Variants in BCL2L14 observed in about 807,000 individuals in gnomAD.
The protein encoded by BCL2L14 is BCL2 like 14, also known as apoptosis facilitator Bcl-2-like protein 14.
BCL2L14 carries 27 observed loss-of-function variants against 35.3 expected under a neutral mutation model. The ratio of observed to expected loss-of-function variants is 0.76; its 90% CI spans 0.56 to 1.05. The LOEUF (loss-of-function observed/expected upper bound fraction) is 1.05. Ranked by LOEUF, BCL2L14 falls within the 50% of genes least tolerant of loss-of-function variation. BCL2L14 has a pLI of 0.00. For missense variants in BCL2L14, 377 were observed against 382.6 expected (o/e 0.99, Z 0.12); for synonymous variants, 139 against 145.9 (o/e 0.95, Z 0.34).
At chr12:12,080,004 A>G (rs897105348) in intron 2 of BCL2L14, among the ~76,000 whole-genome samples, 5 of 152,064 alleles carry the variant, frequency 3.3e-5, no homozygotes, top group African/African-American at 1.2e-4. Context: ...GGAGATTGAG[A>G]CCATCCTGGC....
At chr12:12,098,745 C>G (rs982833939) in intron 5 of BCL2L14, among the ~76,000 whole-genome samples, 2 of 152,144 alleles carry the variant, frequency 1.3e-5, no homozygotes, top group African/African-American at 4.8e-5. Context: ...CCTGTTAGCT[C>G]TGGGTGTGTA....
intron 2 of BCL2L14, among the ~76,000 whole-genome samples, chr12:12,065,918 G>A (rs569700257): frequency 2.1e-4 from 32 of 152,120 alleles, no homozygotes; most frequent in African/African-American, 7.7e-4. Context: ...AGCCTCCTGA[G>A]TAGCTGAGAT....
intron 2 of BCL2L14, among the ~76,000 whole-genome samples, chr12:12,084,394 T>G (rs1948994294): frequency 6.6e-6 from 1 of 152,024 alleles, no homozygotes; most frequent in Admixed American, 6.6e-5. Flanking sequence ...ATTTTAGAGG[T>G]CTGTTACTAA....
chr12:12,090,646 TAAAAAAA>T, intron 3 of BCL2L14, 126 bp from the exon 4 acceptor site: 3 of 321,046 alleles, frequency 9.3e-6, no homozygotes, highest in Non-Finnish European at 1.6e-5. Context: ...AAATAAAAAA[TAAAAAAA>T]AAAAAAAGAA....
At chr12:12,079,915 G>A (rs1007128482) in intron 2 of BCL2L14, among the ~76,000 whole-genome samples, 177 bp downstream of exon 2, 1 of 152,136 alleles carries the variant, frequency 6.6e-6, no homozygotes, top group African/African-American at 2.4e-5. Flanking sequence ...AGACTAAAAG[G>A]AGTTGCTGCC....
intron 5 of BCL2L14, 30 bp from the exon 6 acceptor site, chr12:12,098,920 G>C: frequency 6.6e-7 from 1 of 1,509,594 alleles, no homozygotes; most frequent in Non-Finnish European, 9.2e-7. Flanking sequence ...ATCTAACTTG[G>C]AATTTTAAGA....
chr12:12,052,012 G>A (rs1948363730), intron 2 of BCL2L14, among the ~76,000 whole-genome samples: 1 of 152,198 alleles, frequency 6.6e-6, no homozygotes, highest in African/African-American at 2.4e-5. Context: ...GGTGGTGAGT[G>A]CAAAGAAAAT....
At chr12:12,058,535 G>A (rs910788568) in intron 2 of BCL2L14, among the ~76,000 whole-genome samples, 3 of 152,132 alleles carry the variant, frequency 2.0e-5, no homozygotes, top group African/African-American at 4.8e-5. Context: ...ACATTGTCTT[G>A]TGAAATTCCT....
intron 3 of BCL2L14, among the ~76,000 whole-genome samples, chr12:12,088,401 C>T (rs1393317218): frequency 6.6e-6 from 1 of 152,112 alleles, no homozygotes; most frequent in Admixed American, 6.5e-5. Context: ...TCCACTTGCC[C>T]AGCGCCATGT....
chr12:12,050,810 A>AAAAAAAAAAAAAAAAAAAAAG (rs1555084771), intron 1 of BCL2L14, among the ~76,000 whole-genome samples: 1 of 110,058 alleles, frequency 9.1e-6, no homozygotes, highest in Non-Finnish European at 2.1e-5. Flanking sequence ...AAAAAAAAAA[A>AAAAAAAAAAAAAAAAAAAAAG]AAAGAAAAGA....
At chr12:12,093,063 T>C (rs1949227696) in intron 4 of BCL2L14, among the ~76,000 whole-genome samples, 1 of 152,166 alleles carries the variant, frequency 6.6e-6, no homozygotes, top group Admixed American at 6.5e-5. Flanking sequence ...TGAGCCCTGA[T>C]TTTTCAAAAG....
chr12:12,052,507 G>A (rs543272571), intron 2 of BCL2L14, among the ~76,000 whole-genome samples: 5 of 152,244 alleles, frequency 3.3e-5, no homozygotes, highest in African/African-American at 7.2e-5. Context: ...TTCACTTAGC[G>A]TAGTGTCCTC....
At position 12,062,404 on chromosome 12, in the gene BCL2L14, G is replaced by A. The variant is rs373795719; in HGVS notation, c.-272+10557G>A. Among the ~76,000 whole-genome samples the A allele has an allele frequency of 2.6e-4, 39 of 148,890 alleles. No individual in the cohort carries two copies. In the East Asian group the frequency reaches 6.4e-3, roughly 24 times the overall value. On this transcript the variant is annotated intron_variant, in intron 2 of 3. Transcript: ENST00000461264. Reference sequence around the variant, plus strand: ...CACCAGGCCTAATTGCCACACACCAGCAAAGGCAGGCTATACTATAGTACA... The same window carrying A: ...CACCAGGCCTAATTGCCACACACCAACAAAGGCAGGCTATACTATAGTACA...
chr12:12,057,843 G>T (rs997503886), intron 2 of BCL2L14, among the ~76,000 whole-genome samples: 2 of 148,254 alleles, frequency 1.3e-5, no homozygotes, highest in African/African-American at 5.0e-5. Flanking sequence ...AGTGGTTAGC[G>T]TCATGGGCCT....
intron 4 of BCL2L14, among the ~76,000 whole-genome samples, chr12:12,092,191 C>T (rs754816457): frequency 6.6e-6 from 1 of 152,224 alleles, no homozygotes; most frequent in Non-Finnish European, 1.5e-5. Flanking sequence ...GTGGGAAAGG[C>T]GGAGTGGGGG....
intron 2 of BCL2L14, among the ~76,000 whole-genome samples, chr12:12,064,156 T>C (rs1300805965): frequency 6.6e-6 from 1 of 152,020 alleles, no homozygotes. Context: ...GGCCTGTTTG[T>C]TTTTTGAGAC....
intron 5 of BCL2L14, among the ~76,000 whole-genome samples, chr12:12,097,994 G>A (rs1949352933): frequency 6.6e-6 from 1 of 152,020 alleles, no homozygotes; most frequent in Admixed American, 6.6e-5. Flanking sequence ...GCATGTCAGT[G>A]GAAATTAGGA....
chr12:12,095,853 T>C (rs1015528129), intron 5 of BCL2L14: 5 of 985,350 alleles, frequency 5.1e-6, no homozygotes, highest in Non-Finnish European at 6.0e-6. Context: ...CGGTCTTCAG[T>C]TTCTGTACAT....
upstream of BCL2L14, among the ~76,000 whole-genome samples, chr12:12,066,888 T>A (rs1948600808): frequency 6.6e-6 from 1 of 151,942 alleles, no homozygotes; most frequent in South Asian, 2.1e-4. Context: ...TTTTTTGTAT[T>A]TTTAGTAGAG....
Sources: allele counts gnomAD v4.1 joint callset (sites outside exome capture counted in the v4.1 genomes callset), GRCh38; gene constraint gnomAD v4.1.1; transcripts MANE v1.5; gene names NCBI Gene and HGNC (gene_info 2026-07-23, HGNC 2026-07-21).